ULK1: variants seen among roughly 807,000 people sequenced by gnomAD.
ULK1 encodes serine/threonine-protein kinase ULK1.
A neutral mutation model predicts 117.5 loss-of-function variants in ULK1; 48 were observed. The observed-to-expected ratio is 0.41, with a 90% CI of 0.32 to 0.52. ULK1 has a LOEUF of 0.52. ULK1 is among the 20% of genes least tolerant of loss of function. The pLI is 0.29. For synonymous variants in ULK1, 790 were observed against 637.8 expected, an observed-to-expected ratio of 1.24 and a Z score of -3.60; for missense variants, 1,387 against 1,473.4, an observed-to-expected ratio of 0.94 and a Z score of 0.96.
chr12:131,895,764 A>G lies in ULK1; in HGVS notation c.205-19A>G, dbSNP rs762512197. Reference sequence around the variant, plus strand: ...GCCCCCCTCCCCACACTGATAACAAACTTGGGTTTCTGTCCTAGGAACTGA... The same window carrying G: ...GCCCCCCTCCCCACACTGATAACAAGCTTGGGTTTCTGTCCTAGGAACTGA... On this transcript the variant is annotated intron_variant, in intron 2 of 27. Coordinates refer to ENST00000321867, the MANE Select transcript of ULK1 (RefSeq NM_003565.4). The G allele has an allele frequency of 5.6e-6, 9 of 1,613,846 alleles. No homozygotes were observed. In the Admixed American group the frequency reaches 1.0e-4, roughly 18 times the overall value.
At chr12:131,916,368 G>C in intron 19 of ULK1, 30 bp from the exon 20 acceptor site, 2 of 1,536,374 alleles carry the variant, frequency 1.3e-6, no homozygotes, top group Non-Finnish European at 8.8e-7. Flanking sequence ...GACCTGCGGG[G>C]CAGTCTTCAC....
chr12:131,916,664 A>G, intron 20 of ULK1, 73 bp downstream of exon 20: 1 of 1,419,956 alleles, frequency 7.0e-7, no homozygotes, highest in Admixed American at 2.9e-5. Context: ...TCTGCTGGGT[A>G]CTTCTGGGGG....
chr12:131,921,497 A>G lies in ULK1; in HGVS notation c.*136A>G. ...CCTGCCCTGGGCCCCACGGACAGTC[A>G]GCCTGCCGGCCTCCCTGCAGCTCAC... On this transcript the variant is annotated 3_prime_UTR_variant, in exon 28 of 28. Coordinates refer to ENST00000321867, the MANE Select transcript of ULK1 (RefSeq NM_003565.4). The G allele has an allele frequency of 7.4e-7, 1 of 1,349,472 alleles. No individual in the cohort carries two copies. The highest frequency in any genetic ancestry group is 1.0e-6 in the Non-Finnish European group (1 of 968,960). 83.6% of individuals were successfully genotyped at this position (1,349,472 alleles called of 1,614,324 possible).
At chr12:131,916,651 T>G in intron 20 of ULK1, 60 bp downstream of exon 20, 1 of 1,446,684 alleles carries the variant, frequency 6.9e-7, no homozygotes, top group Non-Finnish European at 9.1e-7. Flanking sequence ...TCCCCTGCAT[T>G]GTTCTGCTGG....
chr12:131,898,232 C>T (rs2054467692), intron 3 of ULK1: 1 of 152,182 alleles, frequency 6.6e-6, no homozygotes, highest in Admixed American at 6.5e-5. Context: ...TTCACCAAGG[C>T]CCTGTAGGTG....
At chr12:131,916,227 T>C (rs139927116) in intron 19 of ULK1, 68 bp downstream of exon 19, 2 of 1,569,312 alleles carry the variant, frequency 1.3e-6, no homozygotes, top group Admixed American at 2.0e-5. Context: ...TGGCCAGTCC[T>C]GAACAAAGAC....
In ULK1 at chr12:131,922,805, T is replaced by TAGA. The variant is rs993158749; in HGVS notation, c.*1452_*1454dup. ...GAAATATTGCCACTGTGCTTGGACT[T>TAGA]AGAAGAAGAAAATCCCCGTGACTTC... is the stretch of plus-strand genomic sequence containing the variant. On this transcript the variant is annotated 3_prime_UTR_variant, in exon 28 of 28. Transcript: ENST00000321867. 3.3e-5 allele frequency: 5 copies of TAGA among 152,536 alleles called. No homozygotes were observed. Among genetic ancestry groups the TAGA allele is most frequent in the Non-Finnish European group, 7.3e-5 (5 of 68,046 alleles). 9.4% of individuals were successfully genotyped at this position (152,536 alleles called of 1,614,324 possible). A position where few individuals can be genotyped will look rare whatever the true frequency, so the allele number is the denominator to read the frequency against.
intron 3 of ULK1, chr12:131,897,210 C>G (rs1167312989): frequency 6.6e-6 from 1 of 152,240 alleles, no homozygotes; most frequent in Admixed American, 6.5e-5. Flanking sequence ...CCCTCGCCCC[C>G]ACAGGCGTGG....
Position 131,922,468 on chromosome 12 carries a change from T to C in ULK1, c.*1107T>C. 5.7e-6 allele frequency: 1 copy of C among 176,228 alleles called. No homozygotes were observed. 10.9% of individuals were successfully genotyped at this position (176,228 alleles called of 1,614,324 possible). ...CCAGCTTTGACAGTCAGTTTTGATG[T>C]CAGCTCCTCGGCAGGGTAGGCCTGA... On this transcript the variant is annotated 3_prime_UTR_variant, in exon 28 of 28. Transcript: ENST00000321867.
At chr12:131,911,405 AG>A (rs1313168840) in intron 12 of ULK1, among the ~76,000 whole-genome samples, 1 of 152,148 alleles carries the variant, frequency 6.6e-6, no homozygotes, top group Non-Finnish European at 1.5e-5. Flanking sequence ...AGATGTGGCG[AG>A]GGGAGCGTGG....
chr12:131,901,886 C>T (rs1211362108), intron 3 of ULK1, among the ~76,000 whole-genome samples: 1 of 152,106 alleles, frequency 6.6e-6, no homozygotes, highest in Non-Finnish European at 1.5e-5. Context: ...CTTACACCCC[C>T]TGCACCCCCC....
Position 131,921,516 on chromosome 12 carries a change from A to G in ULK1, c.*155A>G. The G allele has an allele frequency of 8.9e-7, 1 of 1,126,786 alleles. No homozygotes were observed. The highest frequency in any genetic ancestry group is 1.5e-5 in the African/African-American group (1 of 65,680). 69.8% of individuals were successfully genotyped at this position (1,126,786 alleles called of 1,614,324 possible). ...ACAGTCAGCCTGCCGGCCTCCCTGCAGCTCACGGGGCAGAACCAGCACATC... is the reference window on the plus strand; with the variant it reads ...ACAGTCAGCCTGCCGGCCTCCCTGCGGCTCACGGGGCAGAACCAGCACATC... On this transcript the variant is annotated 3_prime_UTR_variant, in exon 28 of 28. Coordinates refer to ENST00000321867, the MANE Select transcript of ULK1 (RefSeq NM_003565.4).
intron 22 of ULK1, 200 bp from the exon 23 acceptor site, chr12:131,918,297 G>A: frequency 1.5e-6 from 1 of 654,042 alleles, no homozygotes; most frequent in South Asian, 2.0e-5. Flanking sequence ...TGGGGACTTG[G>A]GGGTTGTGGT....
chr12:131,913,935 C>T lies in ULK1; in HGVS notation c.1247+99C>T, dbSNP rs1889659106. On this transcript the variant is annotated intron_variant, in intron 15 of 27. Coordinates refer to ENST00000321867, the MANE Select transcript of ULK1 (RefSeq NM_003565.4). The stretch of plus-strand genomic sequence containing the variant: ...CGCAGCCAGCCCAGGCCTGCTGTGT[C>T]CAGAGGCCCCTGCCTTCTTCTCCCA... The T allele has an allele frequency of 3.7e-6, 4 of 1,089,398 alleles. No individual in the cohort carries two copies. The South Asian group carries it at 8.5e-5, about 23-fold the overall frequency. 67.5% of individuals were successfully genotyped at this position (1,089,398 alleles called of 1,614,324 possible).
In ULK1 at chr12:131,918,616, A is replaced by G. The variant is rs11609348; in HGVS notation, c.2446A>G (p.Thr816Ala). ...CGGCTGCAGCTTTGCCGACCCCATT[A>G]CTGCGAACCTGGAGGGGGCTGTGAC... ...GHGCSFADPITANLEGAVTFE... is the reference protein window; with the variant it reads ...GHGCSFADPIAANLEGAVTFE... The change falls in exon 23 of 28, where the codon ACT becomes GCT. Residue 816 changes from threonine (T) to alanine (A), a missense_variant. By Grantham distance (58) the Thr-to-Ala change is moderately conservative. Coordinates refer to ENST00000321867, the MANE Select transcript of ULK1 (RefSeq NM_003565.4). 1,608,952 of 1,611,056 alleles carry G rather than the reference A, an allele frequency of 1. 803,449 individuals are homozygous for G. Among genetic ancestry groups the G allele is most frequent in the East Asian group, 1 (44,754 of 44,754 alleles).
At position 131,903,181 on chromosome 12, in the gene ULK1, C is replaced by A. The variant is rs1322739343; in HGVS notation, c.247-3711C>A. On this transcript the variant is annotated intron_variant, in intron 3 of 27. Transcript: ENST00000321867. This position sits in a 1 kb window ranked among gnomAD's most constrained non-coding sequence, Gnocchi z 6.0. ...GGGTGTTGTGGCGCAGGGCCTGGGC[C>A]TGCAGCTGCCCTGGAGGAGCTCCCC... Among the ~76,000 whole-genome samples, 1 of 152,176 alleles carries A rather than the reference C, an allele frequency of 6.6e-6. No homozygotes were observed. The highest frequency in any genetic ancestry group is 1.5e-5 in the Non-Finnish European group (1 of 68,016).
At chr12:131,904,575 G>A (rs1442387446) in intron 3 of ULK1, among the ~76,000 whole-genome samples, 1 of 152,212 alleles carries the variant, frequency 6.6e-6, no homozygotes, top group Non-Finnish European at 1.5e-5. Context: ...GGTCCTGGGT[G>A]AGTGGCTGGG....
Position 131,915,519 on chromosome 12 carries a change from G to A in ULK1, c.1609+98G>A, listed in dbSNP as rs1413556428. 15 of 1,412,426 alleles carry A rather than the reference G, an allele frequency of 1.1e-5. No homozygotes were observed. The African/African-American group carries it at 1.4e-4, about 13-fold the overall frequency. The allele number at this position is 1,412,426 out of a possible 1,614,324, so 87.5% of individuals were successfully genotyped here. ...GCCCTTGCTCTTTCCAAGTGAAAAG[G>A]AGTGGGAAGGAAGCTGGTGGAACAG... is the stretch of plus-strand genomic sequence containing the variant. On this transcript the variant is annotated intron_variant, in intron 18 of 27. Transcript: ENST00000321867.
intron 11 of ULK1, 102 bp from the exon 12 acceptor site, chr12:131,910,610 A>T: frequency 6.2e-7 from 1 of 1,608,576 alleles, no homozygotes; most frequent in Non-Finnish European, 8.5e-7. Context: ...TGTAGCCGGA[A>T]GTGGAGGGGA....
Sources: allele counts gnomAD v4.1 joint callset (sites outside exome capture counted in the v4.1 genomes callset), GRCh38; gene constraint gnomAD v4.1.1; non-coding constraint Gnocchi (gnomAD v3.1); transcripts MANE v1.5; gene names NCBI Gene and HGNC (gene_info 2026-07-23, HGNC 2026-07-21).